Variants in UVRAG observed in about 807,000 individuals in gnomAD.
The protein encoded by UVRAG is UV radiation resistance-associated gene protein.
UVRAG carries 19 observed loss-of-function variants against 78.0 expected under a neutral mutation model. That is an observed-to-expected ratio of 0.24 (90% CI 0.17 to 0.36). UVRAG has a LOEUF of 0.36. Ranked by LOEUF, UVRAG falls within the 10% of genes least tolerant of loss-of-function variation. The pLI is 1.00. For synonymous variants in UVRAG, 323 were observed against 324.6 expected (o/e 1.00, Z 0.05); for missense variants, 740 against 853.8 (o/e 0.87, Z 1.66).
chr11:75,947,893 T>C (rs1397677455), intron 6 of UVRAG, among the ~76,000 whole-genome samples: 1 of 152,172 alleles, frequency 6.6e-6, no homozygotes, highest in African/African-American at 2.4e-5. Flanking sequence ...CAGCACTAAA[T>C]AAATATGTAT....
intron 13 of UVRAG, among the ~76,000 whole-genome samples, chr11:76,112,230 C>T (rs1591250909): frequency 3.3e-5 from 5 of 152,186 alleles, no homozygotes; most frequent in East Asian, 3.9e-4. Context: ...GATCAGGAAC[C>T]AGCATGTTAA....
chr11:76,062,209 A>G (rs1226629562), intron 12 of UVRAG, among the ~76,000 whole-genome samples: 1 of 152,124 alleles, frequency 6.6e-6, no homozygotes, highest in Non-Finnish European at 1.5e-5. Flanking sequence ...TTGAGGGCCC[A>G]CCTGAATAAT....
chr11:75,815,280 G>T lies in UVRAG; in HGVS notation c.-128G>T. 1 of 503,436 alleles carries T rather than the reference G, an allele frequency of 2.0e-6. No individual in the cohort carries two copies. The highest frequency in any genetic ancestry group is 3.2e-6 in the Non-Finnish European group (1 of 309,864). The allele number at this position is 503,436 out of a possible 1,614,324, so 31.2% of individuals were successfully genotyped here. The stretch of plus-strand genomic sequence containing the variant: ...GCGGCAGCGGCGGCGGCTACTGTCT[G>T]GGCTGAGCAGTAGTGCCTCTCGGGT... On this transcript the variant is annotated 5_prime_UTR_variant, in exon 1 of 15. Transcript: ENST00000356136.
intron 6 of UVRAG, among the ~76,000 whole-genome samples, chr11:75,954,677 C>T (rs1948761340): frequency 6.6e-6 from 1 of 152,154 alleles, no homozygotes; most frequent in South Asian, 2.1e-4. Flanking sequence ...ATTTTGAGTC[C>T]CTCCTTTGTG....
At chr11:75,967,079 G>A (rs886403041) in intron 7 of UVRAG, among the ~76,000 whole-genome samples, 4 of 152,136 alleles carry the variant, frequency 2.6e-5, no homozygotes, top group African/African-American at 9.7e-5. Context: ...TCATTTTATT[G>A]GTTGTTTATG....
At chr11:76,128,350 C>G (rs1345552915) in intron 14 of UVRAG, among the ~76,000 whole-genome samples, 2 of 152,180 alleles carry the variant, frequency 1.3e-5, no homozygotes, top group African/African-American at 4.8e-5. Flanking sequence ...CTGAAACCAG[C>G]CCCCCTGCCC....
At chr11:75,907,146 G>A (rs966002462) in intron 5 of UVRAG, among the ~76,000 whole-genome samples, 5 of 152,092 alleles carry the variant, frequency 3.3e-5, no homozygotes, top group Non-Finnish European at 7.4e-5. Flanking sequence ...CTTTATATCC[G>A]TGAACATGGG....
At chr11:75,951,084 T>C (rs544790108) in intron 6 of UVRAG, among the ~76,000 whole-genome samples, 5 of 152,106 alleles carry the variant, frequency 3.3e-5, no homozygotes, top group Admixed American at 2.6e-4. Context: ...AATTTTTGCC[T>C]AGTCAGAGTT....
chr11:75,887,086 C>T (rs900623714), intron 4 of UVRAG, among the ~76,000 whole-genome samples: 6 of 151,698 alleles, frequency 4.0e-5, no homozygotes, highest in Admixed American at 6.6e-5. Context: ...CTGCCTCACT[C>T]AGCCTCCCTA....
chr11:75,876,564 T>C (rs1034855321), intron 3 of UVRAG, among the ~76,000 whole-genome samples: 2 of 152,348 alleles, frequency 1.3e-5, no homozygotes, highest in African/African-American at 4.8e-5. Context: ...AGACTGAAAT[T>C]CTTGCATGGC....
chr11:76,043,419 T>C (rs1322754725), intron 12 of UVRAG, among the ~76,000 whole-genome samples: 1 of 152,194 alleles, frequency 6.6e-6, no homozygotes, highest in East Asian at 1.9e-4. Context: ...TATAAGCTAC[T>C]GTGACATTCT....
chr11:76,122,545 C>T (rs940671349), intron 14 of UVRAG, among the ~76,000 whole-genome samples: 1 of 152,166 alleles, frequency 6.6e-6, no homozygotes, highest in African/African-American at 2.4e-5. Flanking sequence ...TAAGCGGTAG[C>T]TTTTATAATG....
intron 6 of UVRAG, among the ~76,000 whole-genome samples, chr11:75,920,008 GTTTTTTTTTTTTT>G (rs140217190): frequency 0.014 from 792 of 55,452 alleles, 5 homozygotes; most frequent in African/African-American, 0.044. Context: ...AATAATTTTG[GTTTTTTTTTTTTT>G]TTTTTTTTTT....
intron 4 of UVRAG, among the ~76,000 whole-genome samples, chr11:75,885,353 C>T (rs967005570): frequency 6.6e-6 from 1 of 152,056 alleles, no homozygotes; most frequent in African/African-American, 2.4e-5. Flanking sequence ...ATAACAACAA[C>T]AATTGTATAC....
At position 76,076,832 on chromosome 11, in the gene UVRAG, A is replaced by AT. The variant is rs113225143; in HGVS notation, c.1305+11046dup. The stretch of plus-strand genomic sequence containing the variant: ...TATTTATTTATTTATTTATTTATTT[A>AT]TTAGAGGCAGATGACAAGACCCCAT... On this transcript the variant is annotated intron_variant, in intron 13 of 14. Transcript: ENST00000356136. Among the ~76,000 whole-genome samples, 641 of 150,554 alleles carry AT rather than the reference A, an allele frequency of 4.3e-3. 4 individuals carry two copies. Among genetic ancestry groups the AT allele is most frequent in the African/African-American group, 0.015 (616 of 40,972 alleles).
intron 7 of UVRAG, among the ~76,000 whole-genome samples, chr11:75,975,980 T>C (rs1161780702): frequency 1.3e-5 from 2 of 152,216 alleles, no homozygotes; most frequent in African/African-American, 4.8e-5. Flanking sequence ...TTTTGTCCAT[T>C]CAGTATGATA....
At chr11:76,092,226 C>T (rs1298867836) in intron 13 of UVRAG, among the ~76,000 whole-genome samples, 4 of 152,126 alleles carry the variant, frequency 2.6e-5, no homozygotes, top group Non-Finnish European at 5.9e-5. Context: ...TTTTCTTAAT[C>T]CAGTCTATCA....
intron 9 of UVRAG, among the ~76,000 whole-genome samples, chr11:76,005,365 T>A (rs1949913626): frequency 6.6e-6 from 1 of 152,038 alleles, no homozygotes; most frequent in South Asian, 2.1e-4. Context: ...GTGCTAGACC[T>A]ATAGAAAACC....
chr11:75,974,420 G>A (rs1949191590), intron 7 of UVRAG, among the ~76,000 whole-genome samples: 1 of 133,610 alleles, frequency 7.5e-6, no homozygotes, highest in Non-Finnish European at 1.5e-5. Context: ...ACTGCGGACT[G>A]CAGTGGCGCA....
Sources: allele counts gnomAD v4.1 joint callset (sites outside exome capture counted in the v4.1 genomes callset), GRCh38; gene constraint gnomAD v4.1.1; transcripts MANE v1.5; gene names NCBI Gene and HGNC (gene_info 2026-07-23, HGNC 2026-07-21).